Variants in UNC13A observed in about 807,000 individuals in gnomAD.
UNC13A encodes the protein protein unc-13 homolog A.
In UNC13A, 61 loss-of-function variants were observed where a neutral mutation model predicts 219.7. That is an observed-to-expected ratio of 0.28 (90% CI 0.23 to 0.34). The LOEUF (loss-of-function observed/expected upper bound fraction) is 0.34, where lower values mean the gene tolerates loss of function less well. Ranked by LOEUF, UNC13A falls within the 10% of genes least tolerant of loss-of-function variation. The pLI is 1.00. For missense variants in UNC13A, 1,476 were observed against 2,270.3 expected, an observed-to-expected ratio of 0.65 and a Z score of 7.11; for synonymous variants, 920 against 884.6, an observed-to-expected ratio of 1.04 and a Z score of -0.71.
At chr19:17,623,126 T>G (rs2076746249) in intron 36 of UNC13A, 1 of 191,452 alleles carries the variant, frequency 5.2e-6, no homozygotes, top group South Asian at 1.5e-4. Context: ...ACCTGCATTC[T>G]GGGAAGCTGC....
At chr19:17,639,957 G>A (rs749076500) in intron 22 of UNC13A, 49 bp from the exon 23 acceptor site, 23 of 1,579,088 alleles carry the variant, frequency 1.5e-5, no homozygotes, top group African/African-American at 5.4e-5. Flanking sequence ...GGACATGGCC[G>A]CCATAGTGGC....
chr19:17,637,280 C>T (rs906760189), intron 25 of UNC13A, among the ~76,000 whole-genome samples: 1 of 147,914 alleles, frequency 6.8e-6, no homozygotes, highest in Non-Finnish European at 1.5e-5. Flanking sequence ...CAGCCTGGCT[C>T]ACTAATTTGT....
In UNC13A at chr19:17,649,192, G is replaced by A; in HGVS notation, c.1524+147C>T. 1 of 1,335,176 alleles carries A rather than the reference G, an allele frequency of 7.5e-7. No individual in the cohort carries two copies. The highest frequency in any genetic ancestry group is 2.5e-5 in the East Asian group (1 of 39,820). 82.7% of individuals were successfully genotyped at this position (1,335,176 alleles called of 1,614,324 possible). A position where few individuals can be genotyped will look rare whatever the true frequency, so the allele number is the denominator to read the frequency against. Reference sequence around the variant, plus strand: ...AGTTAGAAGGGACCCTGGAAAGTGAGCAGCCCCGCACCCCTGACTCACAGC... The same window carrying A: ...AGTTAGAAGGGACCCTGGAAAGTGAACAGCCCCGCACCCCTGACTCACAGC... On this transcript the variant is annotated intron_variant, in intron 14 of 43. Transcript: ENST00000519716. The surrounding 1 kb of genome is among the most constrained non-coding windows in gnomAD (Gnocchi z 4.4).
chr19:17,606,090 G>T lies in UNC13A; in HGVS notation c.5076C>A (p.Arg1692=). The T allele has an allele frequency of 1.9e-6, 3 of 1,590,962 alleles. No homozygotes were observed. The highest frequency in any genetic ancestry group is 2.6e-6 in the Non-Finnish European group (3 of 1,171,536). ...KEFVKLKSDT[R]SAEEGGAAPA... Reference sequence around the variant, plus strand: ...GCGCGGCACCGCCCTCCTCGGCGGAGCGCGTGTCCGACTTGAGCTTCACGA... The same window carrying T: ...GCGCGGCACCGCCCTCCTCGGCGGATCGCGTGTCCGACTTGAGCTTCACGA... The change falls in exon 44 of 44, where the codon CGC becomes CGA. Residue 1692 remains arginine, a synonymous_variant. Transcript: ENST00000519716.
intron 22 of UNC13A, 129 bp from the exon 23 acceptor site, chr19:17,640,037 T>C (rs1205938132): frequency 1.1e-5 from 4 of 354,418 alleles, no homozygotes; most frequent in Non-Finnish European, 1.8e-5. Flanking sequence ...TTCTATGGCA[T>C]TTTTTTTTTT....
At chr19:17,629,361 G>A (rs2076817649) in intron 30 of UNC13A, 38 bp from the exon 31 acceptor site, 1 of 1,570,760 alleles carries the variant, frequency 6.4e-7, no homozygotes, top group South Asian at 1.2e-5. Flanking sequence ...AGGAGAGGCT[G>A]GCACCAAGGC....
chr19:17,649,263 T>A lies in UNC13A; in HGVS notation c.1524+76A>T. 2 of 1,536,182 alleles carry A rather than the reference T, an allele frequency of 1.3e-6. No homozygotes were observed. Among genetic ancestry groups the A allele is most frequent in the Non-Finnish European group, 1.7e-6 (2 of 1,145,110 alleles). ...GCAAGGTTCCCCCATAATCCATGAA[T>A]TGGGGGCCTGTTAGAAGATCCCAGT... On this transcript the variant is annotated intron_variant, in intron 14 of 43. Transcript: ENST00000519716. The surrounding 1 kb of genome is among the most constrained non-coding windows in gnomAD (Gnocchi z 4.4).
At chr19:17,670,259 T>C (rs12971969) in intron 4 of UNC13A, among the ~76,000 whole-genome samples, 45,528 of 148,784 alleles carry the variant, frequency 0.31, 8,051 homozygotes, top group East Asian at 0.52. Flanking sequence ...TTTAATTTTT[T>C]TGAGACAGAG....
chr19:17,606,283 C>A lies in UNC13A; in HGVS notation c.4883G>T (p.Arg1628Leu). 6.5e-7 allele frequency: 1 copy of A among 1,548,810 alleles called. No homozygotes were observed. The highest frequency in any genetic ancestry group is 1.2e-5 in the South Asian group (1 of 84,216). Reference sequence around the variant, plus strand: ...GGCCAGCCCCACCGTGCGGTCCTCGCGCGCGAAGCAGTAGTCCTTGACGCA... The same window carrying A: ...GGCCAGCCCCACCGTGCGGTCCTCGAGCGCGAAGCAGTAGTCCTTGACGCA... ...QVCVKDYCFAREDRTVGLAVL... is the reference protein window; with the variant it reads ...QVCVKDYCFALEDRTVGLAVL... The change falls in exon 44 of 44, where the codon CGC becomes CTC. Residue 1628 changes from arginine to leucine, a missense_variant. By Grantham distance (102) the Arg-to-Leu change is moderately radical (BLOSUM62 -2). Coordinates refer to ENST00000519716, the MANE Select transcript of UNC13A (RefSeq NM_001080421.3).
rs1023735073 is a variant in UNC13A at position 17,627,036 on chromosome 19, A to T, written c.3921-251T>A. ...GTGAAACCCTGTCTCTACTAAAAAT[A>T]CAAAAATTAGCTGGGTGTGGTGGCA... is the stretch of plus-strand genomic sequence containing the variant. On this transcript the variant is annotated intron_variant, in intron 33 of 43. Transcript: ENST00000519716. This position sits in a 1 kb window ranked among gnomAD's most constrained non-coding sequence, Gnocchi z 4.7. Among the ~76,000 whole-genome samples the T allele has an allele frequency of 1.3e-5, 2 of 152,172 alleles. No individual in the cohort carries two copies. Among genetic ancestry groups the T allele is most frequent in the African/African-American group, 4.8e-5 (2 of 41,442 alleles).
intron 41 of UNC13A, among the ~76,000 whole-genome samples, chr19:17,614,707 T>C (rs1331331252): frequency 6.6e-6 from 1 of 152,028 alleles, no homozygotes; most frequent in East Asian, 1.9e-4. Flanking sequence ...GAGACCCCCA[T>C]CACCCCAGTA....
At chr19:17,647,860 C>T (rs1376744472) in intron 16 of UNC13A, among the ~76,000 whole-genome samples, 1 of 145,962 alleles carries the variant, frequency 6.9e-6, no homozygotes, top group South Asian at 2.3e-4. Context: ...AGTCCCACCC[C>T]TCTGAGTCCC....
At chr19:17,642,516 G>A (rs1003362561) in intron 20 of UNC13A, among the ~76,000 whole-genome samples, 4 of 152,146 alleles carry the variant, frequency 2.6e-5, no homozygotes, top group African/African-American at 9.7e-5. Flanking sequence ...CTGGGGATAA[G>A]AGTTCTTTCC....
chr19:17,633,017 G>T (rs2076873637), intron 27 of UNC13A, 91 bp downstream of exon 27: 3 of 1,605,426 alleles, frequency 1.9e-6, no homozygotes, highest in East Asian at 2.2e-5. Context: ...AGGCATGAGG[G>T]TATTATAGGG....
intron 23 of UNC13A, 81 bp downstream of exon 23, chr19:17,639,759 G>A (rs1240014642): frequency 6.6e-7 from 1 of 1,518,254 alleles, no homozygotes; most frequent in Non-Finnish European, 9.1e-7. Context: ...GTCCTCCCAT[G>A]CACACACCTG....
At chr19:17,658,593 T>C (rs1285900715) in intron 8 of UNC13A, among the ~76,000 whole-genome samples, 2 of 152,090 alleles carry the variant, frequency 1.3e-5, no homozygotes, top group African/African-American at 4.8e-5. Context: ...TCAGGATCTC[T>C]GAAAATGACA....
chr19:17,606,961 G>A (rs2076538298), intron 43 of UNC13A, among the ~76,000 whole-genome samples: 1 of 152,184 alleles, frequency 6.6e-6, no homozygotes, highest in Non-Finnish European at 1.5e-5. Flanking sequence ...AGCTGGATAA[G>A]AGCCCCTCCT....
intron 36 of UNC13A, 155 bp from the exon 37 acceptor site, chr19:17,622,025 C>G (rs546241914): frequency 3.5e-5 from 26 of 742,994 alleles, no homozygotes; most frequent in South Asian, 3.3e-4. Context: ...GTGTGTGTGT[C>G]TGTGTGTGTG....
chr19:17,609,910 C>T, intron 43 of UNC13A, 30 bp downstream of exon 43: 1 of 1,611,788 alleles, frequency 6.2e-7, no homozygotes, highest in Non-Finnish European at 8.5e-7. Context: ...CTCCCTTGCC[C>T]CCATGCTCTT....
Sources: allele counts gnomAD v4.1 joint callset (sites outside exome capture counted in the v4.1 genomes callset), GRCh38; gene constraint gnomAD v4.1.1; non-coding constraint Gnocchi (gnomAD v3.1); transcripts MANE v1.5; gene names NCBI Gene and HGNC (gene_info 2026-07-23, HGNC 2026-07-21).